THRB: variants seen among roughly 807,000 people sequenced by gnomAD.
THRB encodes thyroid hormone receptor beta.
Under a neutral mutation model 47.8 loss-of-function variants are expected in THRB, and 12 were observed. The observed-to-expected ratio is 0.25, with a 90% confidence interval of 0.16 to 0.41. The LOEUF (loss-of-function observed/expected upper bound fraction) is 0.41. THRB is among the 10% of genes least tolerant of loss of function. The pLI is 1.00. For synonymous variants in THRB, 218 were observed against 212.2 expected, an observed-to-expected ratio of 1.03 and a Z score of -0.24; for missense variants, 348 against 589.2, an observed-to-expected ratio of 0.59 and a Z score of 4.24.
At chr3:24,168,488 A>ATTT (rs1217437118) in intron 5 of THRB, among the ~76,000 whole-genome samples, 44 of 131,370 alleles carry the variant, frequency 3.3e-4, no homozygotes, top group African/African-American at 1.2e-3. Flanking sequence ...GTTTCAATCA[A>ATTT]TAATATATAT....
At chr3:24,240,543 A>G (rs1163577013) in intron 3 of THRB, among the ~76,000 whole-genome samples, 3 of 152,178 alleles carry the variant, frequency 2.0e-5, no homozygotes, top group Admixed American at 1.3e-4. Flanking sequence ...TGAGCACAAG[A>G]TGTTCACCAT....
chr3:24,322,059 G>C (rs2058521509), intron 2 of THRB, among the ~76,000 whole-genome samples: 2 of 151,948 alleles, frequency 1.3e-5, no homozygotes, highest in African/African-American at 4.8e-5. Flanking sequence ...CTGGGTTATA[G>C]TATAAGGCCA....
intron 4 of THRB, among the ~76,000 whole-genome samples, chr3:24,193,245 T>G (rs577250990): frequency 4.3e-4 from 66 of 152,198 alleles, no homozygotes; most frequent in Non-Finnish European, 8.2e-4. Context: ...GAGATTAACA[T>G]CCCAAAAGGT....
Position 24,374,981 on chromosome 3 carries a change from C to T in THRB, c.-260-37610G>A, listed in dbSNP as rs566344098. Among the ~76,000 whole-genome samples, 8 of 152,170 alleles carry T rather than the reference C, an allele frequency of 5.3e-5. No homozygotes were observed. The East Asian group carries it at 1.5e-3, about 29-fold the overall frequency. On this transcript the variant is annotated intron_variant, in intron 1 of 10. Transcript: ENST00000646209. ...GCAAAGCAAATGTGCTTAAAATAGTCTATTGTTCTCAACAAGTTATAAACC... is the reference window on the plus strand; with the variant it reads ...GCAAAGCAAATGTGCTTAAAATAGTTTATTGTTCTCAACAAGTTATAAACC...
intron 5 of THRB, among the ~76,000 whole-genome samples, chr3:24,179,440 G>A (rs2041613218): frequency 6.6e-6 from 1 of 152,158 alleles, no homozygotes; most frequent in Admixed American, 6.5e-5. Context: ...AACACATACA[G>A]AGAATGAGAA....
At chr3:24,432,880 C>G (rs1472310506) in intron 1 of THRB, among the ~76,000 whole-genome samples, 3 of 151,762 alleles carry the variant, frequency 2.0e-5, no homozygotes, top group Non-Finnish European at 4.4e-5. Flanking sequence ...TTTCCTAGAG[C>G]TATGAGAGAA....
intron 8 of THRB, among the ~76,000 whole-genome samples, chr3:24,139,842 A>C (rs1329559446): frequency 6.6e-6 from 1 of 152,256 alleles, no homozygotes; most frequent in Non-Finnish European, 1.5e-5. Flanking sequence ...GTAATCCCAT[A>C]TGACATATTT....
intron 2 of THRB, among the ~76,000 whole-genome samples, chr3:24,316,061 A>T (rs1168626627): frequency 6.6e-6 from 1 of 152,168 alleles, no homozygotes; most frequent in East Asian, 1.9e-4. Flanking sequence ...TGAATTGAAA[A>T]TGCTTTATTG....
intron 1 of THRB, among the ~76,000 whole-genome samples, chr3:24,431,971 G>A (rs980804760): frequency 2.6e-5 from 4 of 152,004 alleles, no homozygotes; most frequent in Admixed American, 2.0e-4. Flanking sequence ...GAAGATATAC[G>A]CACATATGTA....
At chr3:24,349,348 T>G (rs2063220240) in intron 1 of THRB, among the ~76,000 whole-genome samples, 1 of 152,062 alleles carries the variant, frequency 6.6e-6, no homozygotes, top group Non-Finnish European at 1.5e-5. Context: ...TGGTGGAAAT[T>G]AGTAAACTAA....
At chr3:24,310,206 AG>A (rs2149193358) in intron 2 of THRB, among the ~76,000 whole-genome samples, 1 of 152,332 alleles carries the variant, frequency 6.6e-6, no homozygotes, top group Non-Finnish European at 1.5e-5. Context: ...CTTGGGAAAA[AG>A]GAATTCTGTT....
chr3:24,397,654 G>T (rs2067071793), intron 1 of THRB, among the ~76,000 whole-genome samples: 1 of 146,904 alleles, frequency 6.8e-6, no homozygotes, highest in Admixed American at 6.9e-5. Flanking sequence ...AGGCTGGAGT[G>T]CAGTGGTGCT....
At chr3:24,142,903 A>G (rs1362541495) in intron 8 of THRB, among the ~76,000 whole-genome samples, 1 of 152,214 alleles carries the variant, frequency 6.6e-6, no homozygotes, top group African/African-American at 2.4e-5. Flanking sequence ...ACAACTGGTA[A>G]TTTTTATAAG....
intron 3 of THRB, among the ~76,000 whole-genome samples, chr3:24,274,813 T>C (rs2053732081): frequency 6.6e-6 from 1 of 152,180 alleles, no homozygotes; most frequent in Non-Finnish European, 1.5e-5. Flanking sequence ...AAATTTTACT[T>C]CCAGCAAAGG....
chr3:24,193,824 T>A (rs1575757217), intron 4 of THRB, among the ~76,000 whole-genome samples: 1 of 139,814 alleles, frequency 7.2e-6, no homozygotes, highest in African/African-American at 3.4e-5. Flanking sequence ...TGCACACACA[T>A]GTTTATAACA....
chr3:24,125,770 C>T, intron 10 of THRB, among the ~76,000 whole-genome samples: 1 of 152,138 alleles, frequency 6.6e-6, no homozygotes, highest in East Asian at 1.9e-4. Context: ...TAGAGCAAGT[C>T]TGCCAGCAAG....
intron 1 of THRB, among the ~76,000 whole-genome samples, chr3:24,492,536 G>C (rs921070851): frequency 1.1e-4 from 16 of 152,148 alleles, no homozygotes; most frequent in African/African-American, 3.6e-4. Context: ...CCATCAAAAA[G>C]ATGGGCTTAC....
intron 1 of THRB, among the ~76,000 whole-genome samples, chr3:24,418,452 C>G (rs1334759780): frequency 6.6e-6 from 1 of 151,864 alleles, no homozygotes; most frequent in Non-Finnish European, 1.5e-5. Context: ...CAAACCCCTA[C>G]TGAATTCCAA....
intron 1 of THRB, among the ~76,000 whole-genome samples, chr3:24,448,441 A>T (rs1419355396): frequency 2.0e-5 from 3 of 152,222 alleles, no homozygotes; most frequent in African/African-American, 7.2e-5. Flanking sequence ...TGATTACTTT[A>T]GATAACTATG....
Sources: gnomAD v4.1 joint callset for allele counts (sites outside exome capture counted in the v4.1 genomes callset) on GRCh38, gnomAD v4.1.1 for gene constraint, MANE v1.5 for transcripts, NCBI Gene and HGNC (gene_info 2026-07-23, HGNC 2026-07-21) for gene names.